The following MATN2 variants were observed in gnomAD, a reference collection of about 807,000 sequenced individuals.
MATN2 encodes matrilin-2.
Under a neutral mutation model 103.2 loss-of-function variants are expected in MATN2, and 69 were observed. That is an observed-to-expected ratio of 0.67 (90% CI 0.55 to 0.82). The LOEUF (loss-of-function observed/expected upper bound fraction) is 0.82. Ranked by LOEUF, MATN2 falls within the 40% of genes least tolerant of loss-of-function variation. The probability of loss-of-function intolerance (pLI) is 0.00; values close to 1 mark genes in which losing one functional copy is unlikely to be tolerated. For missense variants in MATN2, 1,023 were observed against 1,211.5 expected, an observed-to-expected ratio of 0.84 and a Z score of 2.31; for synonymous variants, 429 against 450.2, an observed-to-expected ratio of 0.95 and a Z score of 0.60.
intron 4 of MATN2, among the ~76,000 whole-genome samples, chr8:97,945,719 T>A (rs200404401): frequency 0.041 from 1,943 of 47,616 alleles, 34 homozygotes; most frequent in East Asian, 0.15. Context: ...AAAAAAAAAA[T>A]ATATATATAT....
intron 2 of MATN2, among the ~76,000 whole-genome samples, chr8:97,929,025 G>T (rs1282111623): frequency 6.6e-6 from 1 of 152,118 alleles, no homozygotes; most frequent in South Asian, 2.1e-4. Context: ...ACCCTCAAAG[G>T]CTCACTTTCT....
chr8:97,974,699 C>A (rs1449348776), intron 5 of MATN2, among the ~76,000 whole-genome samples: 1 of 152,176 alleles, frequency 6.6e-6, no homozygotes, highest in African/African-American at 2.4e-5. Context: ...CCTGCCTTGG[C>A]CTCCCAAAGT....
At chr8:97,879,869 C>A (rs556022253) in intron 1 of MATN2, among the ~76,000 whole-genome samples, 30 of 152,198 alleles carry the variant, frequency 2.0e-4, no homozygotes, top group African/African-American at 7.0e-4. Context: ...GCCTTGAATC[C>A]TAGCCAGAGG....
At chr8:97,929,417 A>G (rs1269026436) in intron 2 of MATN2, among the ~76,000 whole-genome samples, 1 of 152,170 alleles carries the variant, frequency 6.6e-6, no homozygotes, top group African/African-American at 2.4e-5. Flanking sequence ...GGAAGGGAGT[A>G]GAGAATGGGG....
At chr8:97,943,171 T>C (rs1424572251) in intron 4 of MATN2, among the ~76,000 whole-genome samples, 1 of 152,100 alleles carries the variant, frequency 6.6e-6, no homozygotes, top group Non-Finnish European at 1.5e-5. Flanking sequence ...TGGGGGAGCC[T>C]GGGAAAGGTC....
At chr8:97,895,944 A>G (rs1461811135) in intron 2 of MATN2, among the ~76,000 whole-genome samples, 1 of 152,228 alleles carries the variant, frequency 6.6e-6, no homozygotes, top group East Asian at 1.9e-4. Flanking sequence ...AGGGGCAGAT[A>G]TGCGTTGGAG....
intron 13 of MATN2, among the ~76,000 whole-genome samples, chr8:98,022,259 A>T (rs1813620465): frequency 2.0e-5 from 3 of 152,084 alleles, no homozygotes; most frequent in Admixed American, 2.0e-4. Context: ...GTTACCATCG[A>T]TATATTTTGT....
chr8:98,019,053 A>ATATATATAT (rs1018624096), intron 12 of MATN2, among the ~76,000 whole-genome samples: 3 of 148,700 alleles, frequency 2.0e-5, no homozygotes, highest in African/African-American at 7.4e-5. Flanking sequence ...CATATATATA[A>ATATATATAT]TATATATATG....
intron 2 of MATN2, among the ~76,000 whole-genome samples, chr8:97,902,842 C>T (rs1191071662): frequency 6.6e-6 from 1 of 152,142 alleles, no homozygotes. Flanking sequence ...GGCTCGTTAC[C>T]CACTCCCCTC....
At chr8:97,925,921 T>A (rs6468603) in intron 2 of MATN2, among the ~76,000 whole-genome samples, 8 of 152,046 alleles carry the variant, frequency 5.3e-5, no homozygotes, top group Non-Finnish European at 8.8e-5. Flanking sequence ...ATGATTACAC[T>A]GCCATGATTG....
intron 2 of MATN2, among the ~76,000 whole-genome samples, chr8:97,896,852 C>G (rs1818826225): frequency 6.9e-6 from 1 of 145,108 alleles, no homozygotes; most frequent in African/African-American, 2.6e-5. Context: ...TCAGGTAACA[C>G]AGCAAGGCTG....
At chr8:97,887,944 A>G in intron 1 of MATN2, 131 bp from the exon 2 acceptor site, 1 of 824,818 alleles carries the variant, frequency 1.2e-6, no homozygotes, top group Non-Finnish European at 1.8e-6. Flanking sequence ...GGCCAAACAC[A>G]CAAACGGCAT....
chr8:97,961,258 A>G (rs762446396), intron 4 of MATN2, 150 bp from the exon 5 acceptor site: 2 of 741,666 alleles, frequency 2.7e-6, no homozygotes, highest in Non-Finnish European at 4.0e-6. Flanking sequence ...ATGTTTTCCA[A>G]ATTTTCTACT....
intron 2 of MATN2, among the ~76,000 whole-genome samples, chr8:97,921,577 A>G (rs1412824679): frequency 1.3e-5 from 2 of 152,194 alleles, no homozygotes; most frequent in Non-Finnish European, 1.5e-5. Context: ...GTAAAAAAAA[A>G]ACAAATATAG....
intron 2 of MATN2, among the ~76,000 whole-genome samples, chr8:97,898,303 G>T (rs1818879594): frequency 6.6e-6 from 1 of 152,118 alleles, no homozygotes; most frequent in African/African-American, 2.4e-5. Flanking sequence ...GATAACAATA[G>T]TAGTGATGAC....
chr8:97,881,751 A>G (rs889527802), intron 1 of MATN2, among the ~76,000 whole-genome samples: 2 of 152,158 alleles, frequency 1.3e-5, no homozygotes, highest in African/African-American at 4.8e-5. Flanking sequence ...CCAAACTGAG[A>G]AACAACCATT....
In MATN2 at chr8:97,969,530, G is replaced by A. The variant is rs953801359; in HGVS notation, c.958+8000G>A. On this transcript the variant is annotated intron_variant, in intron 5 of 18. Coordinates refer to ENST00000254898, the MANE Select transcript of MATN2 (RefSeq NM_002380.5). Reference sequence around the variant, plus strand: ...AAGTATGGAGTGAGAAGAGAGTGAAGGACTGAGCCTTGGATTGCAGTCACA... The same window carrying A: ...AAGTATGGAGTGAGAAGAGAGTGAAAGACTGAGCCTTGGATTGCAGTCACA... Among the ~76,000 whole-genome samples, 13 of 152,146 alleles carry A rather than the reference G, an allele frequency of 8.5e-5. 1 individual carries two copies. Among genetic ancestry groups the A allele is most frequent in the South Asian group, 2.1e-4 (1 of 4,830 alleles).
chr8:97,988,022 T>C (rs554233300), intron 6 of MATN2, among the ~76,000 whole-genome samples: 119 of 150,808 alleles, frequency 7.9e-4, no homozygotes, highest in African/African-American at 2.8e-3. Context: ...CCTACAAACT[T>C]TGAAGCATAA....
At position 97,873,848 on chromosome 8, in the gene MATN2, G is replaced by C. The variant is rs552121444; in HGVS notation, c.-27+4561G>C. 2.6e-5 allele frequency among the ~76,000 whole-genome samples: 4 copies of C among 151,868 alleles called. No individual in the cohort carries two copies. In the South Asian group the frequency reaches 8.3e-4, roughly 32 times the overall value. ...TCGCCATGTTGTCCAGGCTGGTCTCGAACTCCTGAGTTCAAGTGATCCTCT... is the reference window on the plus strand; with the variant it reads ...TCGCCATGTTGTCCAGGCTGGTCTCCAACTCCTGAGTTCAAGTGATCCTCT... On this transcript the variant is annotated intron_variant, in intron 1 of 18. Transcript: ENST00000254898.
Sources: allele counts gnomAD v4.1 joint callset (sites outside exome capture counted in the v4.1 genomes callset), GRCh38; gene constraint gnomAD v4.1.1; transcripts MANE v1.5; gene names NCBI Gene and HGNC (gene_info 2026-07-23, HGNC 2026-07-21).